The following ZFYVE16 variants were observed in gnomAD, a reference collection of about 807,000 sequenced individuals.
ZFYVE16 encodes the protein zinc finger FYVE-type containing 16.
Under a neutral mutation model 138.1 loss-of-function variants are expected in ZFYVE16, and 89 were observed. That is an observed-to-expected ratio of 0.64 (90% confidence interval 0.54 to 0.77). The LOEUF (loss-of-function observed/expected upper bound fraction) is 0.77, where lower values mean the gene tolerates loss of function less well. ZFYVE16 is among the 30% of genes least tolerant of loss of function. ZFYVE16 has a pLI of 0.00. For missense variants in ZFYVE16, 1,793 were observed against 1,786.7 expected (o/e 1.00, Z -0.06); for synonymous variants, 596 against 618.3 (o/e 0.96, Z 0.53).
At chr5:80,465,338 C>T (rs1753571709) in intron 15 of ZFYVE16, among the ~76,000 whole-genome samples, 1 of 141,838 alleles carries the variant, frequency 7.1e-6, no homozygotes, top group Admixed American at 7.3e-5. Flanking sequence ...TCATTTAGCA[C>T]TTTGAATATG....
chr5:80,447,943 A>G (rs1274282465), intron 7 of ZFYVE16, 83 bp from the exon 8 acceptor site: 1 of 1,198,966 alleles, frequency 8.3e-7, no homozygotes, highest in African/African-American at 1.6e-5. Context: ...TTAAAAAGAT[A>G]TGTTTGGCTA....
intron 15 of ZFYVE16, among the ~76,000 whole-genome samples, chr5:80,471,001 C>T (rs1012368181): frequency 6.6e-6 from 1 of 152,178 alleles, no homozygotes; most frequent in Non-Finnish European, 1.5e-5. Context: ...CTTCCCCCTG[C>T]AGAGAGCCTA....
rs201811256 is a variant in ZFYVE16, at chr5:80,473,836, G to C, written c.4270G>C (p.Glu1424Gln). 113 of 1,612,930 alleles carry C rather than the reference G, an allele frequency of 7.0e-5. No individual in the cohort carries two copies. Among genetic ancestry groups the C allele is most frequent in the South Asian group, 2.2e-5 (2 of 90,988 alleles). The change falls in exon 17 of 19, where the codon GAG becomes CAG. Residue 1424 changes from glutamate (E) to glutamine (Q), a missense_variant. By Grantham distance (29) the Glu-to-Gln change is conservative (BLOSUM62 2). Coordinates refer to ENST00000505560, the MANE Select transcript of ZFYVE16 (RefSeq NM_001284236.3). ...IKLEADFETD[E>Q]KIVKCTEVFY... is the part of the protein sequence containing the mutation. The stretch of plus-strand genomic sequence containing the variant: ...ACTGGAAGCAGATTTTGAAACCGAT[G>C]AGAAGATTGTAAAATGTACCGAGGT...
chr5:80,450,418 T>C lies in ZFYVE16; in HGVS notation c.3227-13T>C, dbSNP rs760841038. 1 of 1,610,802 alleles carries C rather than the reference T, an allele frequency of 6.2e-7. No individual in the cohort carries two copies. Among genetic ancestry groups the C allele is most frequent in the African/African-American group, 1.3e-5 (1 of 74,918 alleles). On this transcript the variant is annotated splice_polypyrimidine_tract_variant and intron_variant, in intron 9 of 18. Coordinates refer to ENST00000505560, the MANE Select transcript of ZFYVE16 (RefSeq NM_001284236.3). ...AAGTTGACATTAATAGTTATATTCT[T>C]TTATCATCTAAGATTCCTCAGACAA...
intron 14 of ZFYVE16, among the ~76,000 whole-genome samples, chr5:80,457,522 T>C (rs1752640935): frequency 6.6e-6 from 1 of 152,224 alleles, no homozygotes; most frequent in Admixed American, 6.5e-5. Flanking sequence ...TCTGGCTGAA[T>C]GGCTTCAGTG....
rs918282936 is a variant in ZFYVE16 at position 80,432,546 on chromosome 5, G to A, written c.-39-1563G>A. 3.9e-5 allele frequency among the ~76,000 whole-genome samples: 6 copies of A among 152,104 alleles called. 1 individual carries two copies. The South Asian group carries it at 1.2e-3, about 32-fold the overall frequency. On this transcript the variant is annotated intron_variant, in intron 2 of 18. Coordinates refer to ENST00000505560, the MANE Select transcript of ZFYVE16 (RefSeq NM_001284236.3). ...CATGGGCAAGGACTTCATGTCTGAA[G>A]CACCAAAAGCAATGGCAACAAAAGC...
At chr5:80,441,644 G>C in intron 5 of ZFYVE16, 1 of 983,620 alleles carries the variant, frequency 1.0e-6, no homozygotes, top group Non-Finnish European at 1.2e-6. Context: ...TGTAGATAAT[G>C]AGAAAGCTGT....
intron 7 of ZFYVE16, among the ~76,000 whole-genome samples, chr5:80,445,612 G>A (rs1372476250): frequency 1.3e-5 from 2 of 151,932 alleles, no homozygotes; most frequent in African/African-American, 2.4e-5. Flanking sequence ...CCAGGCTGGA[G>A]TGCAGTGGCA....
At chr5:80,427,231 A>G (rs1213815898) in intron 1 of ZFYVE16, among the ~76,000 whole-genome samples, 2 of 152,118 alleles carry the variant, frequency 1.3e-5, no homozygotes, top group Non-Finnish European at 2.9e-5. Context: ...GTCCTTGGGT[A>G]GGATAAATTC....
At chr5:80,458,753 G>A (rs1019939480) in intron 14 of ZFYVE16, among the ~76,000 whole-genome samples, 2 of 152,068 alleles carry the variant, frequency 1.3e-5, no homozygotes, top group African/African-American at 4.8e-5. Flanking sequence ...GTGTGTCATA[G>A]GATACATTTA....
At chr5:80,469,450 C>T (rs1245696086) in intron 15 of ZFYVE16, among the ~76,000 whole-genome samples, 1 of 152,038 alleles carries the variant, frequency 6.6e-6, no homozygotes, top group Non-Finnish European at 1.5e-5. Flanking sequence ...CCTATATTGC[C>T]CAGGCTGGTC....
intron 14 of ZFYVE16, among the ~76,000 whole-genome samples, chr5:80,458,674 GT>G (rs1752784218): frequency 6.6e-6 from 1 of 152,126 alleles, no homozygotes; most frequent in African/African-American, 2.4e-5. Context: ...ACAGTGAATA[GT>G]TTTGTATACA....
intron 8 of ZFYVE16, among the ~76,000 whole-genome samples, chr5:80,449,299 A>G (rs1751729184): frequency 6.6e-6 from 1 of 152,212 alleles, no homozygotes; most frequent in African/African-American, 2.4e-5. Flanking sequence ...CTACTTTATA[A>G]AAACGTTTGT....
At chr5:80,457,217 G>T in intron 14 of ZFYVE16, 125 bp downstream of exon 14, 1 of 1,357,230 alleles carries the variant, frequency 7.4e-7, no homozygotes. Flanking sequence ...AATATGTTTT[G>T]AAATTTCAGC....
intron 15 of ZFYVE16, among the ~76,000 whole-genome samples, chr5:80,465,400 GTTT>G (rs3072097): frequency 5.2e-3 from 138 of 26,766 alleles, no homozygotes; most frequent in African/African-American, 8.7e-3. Context: ...CCTTTTCTTT[GTTT>G]TTTTTTTTTT....
At chr5:80,459,326 T>A in intron 14 of ZFYVE16, 88 bp from the exon 15 acceptor site, 1 of 1,059,908 alleles carries the variant, frequency 9.4e-7, no homozygotes, top group East Asian at 2.4e-5. Flanking sequence ...ATTGAGTACT[T>A]ATATGCATAT....
intron 8 of ZFYVE16, 128 bp downstream of exon 8, chr5:80,448,532 GT>G: frequency 1.1e-6 from 1 of 891,086 alleles, no homozygotes; most frequent in Non-Finnish European, 1.5e-6. Flanking sequence ...GGTAACTTTT[GT>G]TTACAGAAAG....
chr5:80,433,458 G>A (rs1749404510), intron 2 of ZFYVE16, among the ~76,000 whole-genome samples: 4 of 152,030 alleles, frequency 2.6e-5, no homozygotes, highest in Admixed American at 2.6e-4. Context: ...GATGTGGGAG[G>A]GATAGCATTA....
chr5:80,451,948 T>A, intron 11 of ZFYVE16: 2 of 423,268 alleles, frequency 4.7e-6, no homozygotes, highest in Non-Finnish European at 8.3e-6. Flanking sequence ...TCTTCTTAAA[T>A]TTCAGAACAA....
Sources: gnomAD v4.1 joint callset for allele counts (sites outside exome capture counted in the v4.1 genomes callset) on GRCh38, gnomAD v4.1.1 for gene constraint, MANE v1.5 for transcripts, NCBI Gene and HGNC (gene_info 2026-07-23, HGNC 2026-07-21) for gene names.